LAMA5: variants seen among roughly 807,000 people sequenced by gnomAD.
LAMA5 encodes laminin subunit alpha 5, also known as laminin subunit alpha-5.
A neutral mutation model predicts 433.4 loss-of-function variants in LAMA5; 260 were observed. That is an observed-to-expected ratio of 0.60 (90% confidence interval 0.54 to 0.66). The LOEUF (loss-of-function observed/expected upper bound fraction) is 0.66, where lower values mean the gene tolerates loss of function less well. Ranked by LOEUF, LAMA5 falls within the 30% of genes least tolerant of loss-of-function variation. LAMA5 has a pLI of 0.00. For missense variants in LAMA5, 5,378 were observed against 5,258.5 expected, an observed-to-expected ratio of 1.02 and a Z score of -0.70; for synonymous variants, 2,620 against 2,226.6, an observed-to-expected ratio of 1.18 and a Z score of -4.97.
Position 62,311,319 on chromosome 20 carries a change from G to A in LAMA5, c.9943-12C>T, listed in dbSNP as rs1276020710. 1 of 1,553,872 alleles carries A rather than the reference G, an allele frequency of 6.4e-7. No individual in the cohort carries two copies. The highest frequency in any genetic ancestry group is 8.7e-7 in the Non-Finnish European group (1 of 1,152,866). On this transcript the variant is annotated splice_polypyrimidine_tract_variant and intron_variant, in intron 72 of 79. Transcript: ENST00000252999. ...CTGCGGCGGGAGGCCTGGGGGCGTG[G>A]ATGGTGAATGCAGGGGCCGCCCACA...
intron 6 of LAMA5, among the ~76,000 whole-genome samples, chr20:62,349,401 C>A (rs934513773): frequency 1.3e-5 from 2 of 151,372 alleles, no homozygotes. Context: ...AGAAGATGAC[C>A]CACAGAGGAT....
intron 17 of LAMA5, 40 bp downstream of exon 17, chr20:62,336,694 T>A (rs1981688209): frequency 1.2e-6 from 2 of 1,609,156 alleles, no homozygotes; most frequent in East Asian, 4.5e-5. Context: ...TTGGCCTGGG[T>A]CCTCACCCAT....
At chr20:62,344,664 G>A (rs1238734720) in intron 11 of LAMA5, among the ~76,000 whole-genome samples, 1 of 152,056 alleles carries the variant, frequency 6.6e-6, no homozygotes, top group Non-Finnish European at 1.5e-5. Flanking sequence ...GGCCAGGCTG[G>A]TGTCTAACTC....
At chr20:62,323,256 A>AAG (rs1978641371) in intron 45 of LAMA5, among the ~76,000 whole-genome samples, 200 bp downstream of exon 45, 2 of 97,450 alleles carry the variant, frequency 2.1e-5, no homozygotes, top group Non-Finnish European at 4.5e-5. Flanking sequence ...CTGGGGCGGG[A>AAG]GGGCCTGATC....
Position 62,312,549 on chromosome 20 carries a change from A to C in LAMA5, c.9228-17T>G. On this transcript the variant is annotated splice_polypyrimidine_tract_variant and intron_variant, in intron 67 of 79. Coordinates refer to ENST00000252999, the MANE Select transcript of LAMA5 (RefSeq NM_005560.6). Reference sequence around the variant, plus strand: ...CGTCGCAGGCTGTGGGGAAGCGGGGATGCGGGTCAGGGCGCCACCTCCAAG... The same window carrying C: ...CGTCGCAGGCTGTGGGGAAGCGGGGCTGCGGGTCAGGGCGCCACCTCCAAG... 2 of 1,599,474 alleles carry C rather than the reference A, an allele frequency of 1.3e-6. No homozygotes were observed. The highest frequency in any genetic ancestry group is 1.7e-6 in the Non-Finnish European group (2 of 1,179,268).
chr20:62,316,283 A>G (rs1419215123), intron 57 of LAMA5: 7 of 586,624 alleles, frequency 1.2e-5, no homozygotes, highest in Non-Finnish European at 1.2e-5. Flanking sequence ...AGCTGTCCCC[A>G]TTGTACAGAT....
rs1197683810 is a variant in LAMA5, at chr20:62,337,934, G to A, written c.1896C>T (p.Cys632=). The A allele has an allele frequency of 1.2e-6, 2 of 1,608,752 alleles. No individual in the cohort carries two copies. Among genetic ancestry groups the A allele is most frequent in the Non-Finnish European group, 1.7e-6 (2 of 1,178,002 alleles). ...CCAGGGCTCCCCGAGGGTCGCAGGTGCATGCTGCAGAGGGACAATGGGGTC... is the reference window on the plus strand; with the variant it reads ...CCAGGGCTCCCCGAGGGTCGCAGGTACATGCTGCAGAGGGACAATGGGGTC... ...GYHGFPNCQA[C]TCDPRGALDQ... The change falls in exon 15 of 80, where the codon TGC becomes TGT. Residue 632 remains cysteine, a synonymous_variant. Coordinates refer to ENST00000252999, the MANE Select transcript of LAMA5 (RefSeq NM_005560.6).
intron 55 of LAMA5, 82 bp downstream of exon 55, chr20:62,317,263 C>A (rs1987042057): frequency 7.1e-7 from 1 of 1,404,826 alleles, no homozygotes; most frequent in Non-Finnish European, 9.4e-7. Context: ...CCCTAGGAGC[C>A]TTCCCAGACC....
intron 62 of LAMA5, among the ~76,000 whole-genome samples, 200 bp downstream of exon 62, chr20:62,314,083 GGGGTGGCGAGTGGGCACAGAC>G (rs1462967094): frequency 5.9e-4 from 24 of 40,938 alleles, no homozygotes; most frequent in Admixed American, 1.3e-3. Flanking sequence ...ACAGAGACGA[GGGGTGGCGAGTGGGCACAGAC>G]GGGTGGCGAG....
chr20:62,341,257 T>G (rs1387754581), intron 11 of LAMA5, among the ~76,000 whole-genome samples: 1 of 151,680 alleles, frequency 6.6e-6, no homozygotes, highest in Non-Finnish European at 1.5e-5. Flanking sequence ...AGTGACGGGT[T>G]GAAAGAAAAT....
chr20:62,361,563 G>A (rs145524078), intron 2 of LAMA5, among the ~76,000 whole-genome samples: 6 of 152,358 alleles, frequency 3.9e-5, no homozygotes, highest in South Asian at 4.1e-4. Flanking sequence ...GGTGAAGACC[G>A]ATGTGTCACA....
At chr20:62,343,094 C>T (rs1233196568) in intron 11 of LAMA5, among the ~76,000 whole-genome samples, 1 of 152,126 alleles carries the variant, frequency 6.6e-6, no homozygotes, top group Non-Finnish European at 1.5e-5. Flanking sequence ...ATTGGAACGC[C>T]GCCAACCCCA....
intron 59 of LAMA5, 24 bp downstream of exon 59, chr20:62,315,004 G>A (rs1287855166): frequency 2.5e-6 from 4 of 1,577,782 alleles, no homozygotes; most frequent in Non-Finnish European, 3.4e-6. Context: ...TCCATCAGGG[G>A]CACCGCGAGG....
Position 62,325,336 on chromosome 20 carries a change from A to T in LAMA5, c.5509T>A (p.Tyr1837Asn). The change falls in exon 41 of 80, where the codon TAC (tyrosine) becomes AAC (asparagine). Residue 1837 changes from tyrosine (Y) to asparagine (N), a missense_variant. Tyr to Asn is a moderately radical substitution (Grantham distance 143). Transcript: ENST00000252999. ...CTCACCTGGCATGAGTCCCCCCGGT[A>T]GCTGGCGGGGCACAGGCACAGCTCC... ...NVELCLCPAS[Y>N]RGDSCQECAP... The T allele has an allele frequency of 6.3e-7, 1 of 1,592,832 alleles. No homozygotes were observed. The highest frequency in any genetic ancestry group is 1.3e-5 in the African/African-American group (1 of 74,684).
intron 35 of LAMA5, 22 bp downstream of exon 35, chr20:62,328,219 T>G: frequency 6.3e-7 from 1 of 1,580,262 alleles, no homozygotes; most frequent in Non-Finnish European, 8.6e-7. Flanking sequence ...GGGGCCGCGC[T>G]GACGCCGCTC....
chr20:62,334,046 G>A lies in LAMA5; in HGVS notation c.2740-7C>T. On this transcript the variant is annotated splice_region_variant and splice_polypyrimidine_tract_variant and intron_variant, in intron 22 of 79. Coordinates refer to ENST00000252999, the MANE Select transcript of LAMA5 (RefSeq NM_005560.6). ...GCCTGGCCACGATCCTGGGCTGGGT[G>A]GGCATGGAGCGTCGGGTCACTCTCC... The A allele has an allele frequency of 6.2e-7, 1 of 1,609,582 alleles. No homozygotes were observed. The highest frequency in any genetic ancestry group is 8.5e-7 in the Non-Finnish European group (1 of 1,177,296).
intron 1 of LAMA5, among the ~76,000 whole-genome samples, chr20:62,365,791 G>C (rs1350503590): frequency 2.0e-5 from 3 of 152,200 alleles, no homozygotes; most frequent in Non-Finnish European, 4.4e-5. Flanking sequence ...CCCATCTGAA[G>C]TGTGGGCTTG....
At chr20:62,323,740 C>T (rs777389535) in intron 44 of LAMA5, 36 bp downstream of exon 44, 4 of 1,600,654 alleles carry the variant, frequency 2.5e-6, no homozygotes, top group Non-Finnish European at 3.4e-6. Context: ...GGGGTCAGCA[C>T]TCAGGCCCTG....
intron 41 of LAMA5, 31 bp downstream of exon 41, chr20:62,325,285 G>T: frequency 1.4e-6 from 2 of 1,450,774 alleles, no homozygotes; most frequent in East Asian, 2.4e-5. Context: ...CAGGTGAGCC[G>T]CCTCGCAGTC....
Sources: allele counts gnomAD v4.1 joint callset (sites outside exome capture counted in the v4.1 genomes callset), GRCh38; gene constraint gnomAD v4.1.1; transcripts MANE v1.5; gene names NCBI Gene and HGNC (gene_info 2026-07-23, HGNC 2026-07-21).